Variants in KCNQ5 observed in about 807,000 individuals in gnomAD.
KCNQ5 encodes the protein potassium voltage-gated channel subfamily Q member 5.
Under a neutral mutation model 98.2 loss-of-function variants are expected in KCNQ5, and 30 were observed. The observed-to-expected ratio is 0.31, with a 90% CI of 0.23 to 0.41. KCNQ5 has a LOEUF of 0.41. Ranked by LOEUF, KCNQ5 falls within the 10% of genes least tolerant of loss-of-function variation. KCNQ5 has a pLI of 1.00. For missense variants in KCNQ5, 835 were observed against 1,182.5 expected (o/e 0.71, Z 4.31); for synonymous variants, 458 against 449.4 (o/e 1.02, Z -0.24).
At chr6:72,884,889 A>T (rs1184053284) in intron 1 of KCNQ5, among the ~76,000 whole-genome samples, 1 of 152,170 alleles carries the variant, frequency 6.6e-6, no homozygotes, top group Non-Finnish European at 1.5e-5. Flanking sequence ...AATTGCTGGG[A>T]TTACAGGCGT....
At chr6:72,726,664 A>T (rs1770296498) in intron 1 of KCNQ5, among the ~76,000 whole-genome samples, 1 of 152,214 alleles carries the variant, frequency 6.6e-6, no homozygotes, top group Admixed American at 6.5e-5. Context: ...TGATCAGATG[A>T]TTAAAAAAGA....
At chr6:72,792,055 C>A (rs1191069515) in intron 1 of KCNQ5, among the ~76,000 whole-genome samples, 1 of 152,142 alleles carries the variant, frequency 6.6e-6, no homozygotes, top group African/African-American at 2.4e-5. Flanking sequence ...AAGTAAACTT[C>A]TTTGGATGCC....
At chr6:72,858,063 A>G (rs915708345) in intron 1 of KCNQ5, among the ~76,000 whole-genome samples, 18 of 152,316 alleles carry the variant, frequency 1.2e-4, no homozygotes, top group African/African-American at 4.3e-4. Flanking sequence ...AGGGCTTAAG[A>G]GGTTGCGAGA....
intron 11 of KCNQ5, among the ~76,000 whole-genome samples, chr6:73,170,084 T>C (rs1166015347): frequency 1.3e-5 from 2 of 148,736 alleles, no homozygotes; most frequent in African/African-American, 2.4e-5. Context: ...AGCCAGGTCA[T>C]ATTAGAGAGA....
chr6:73,154,468 T>C (rs924415943), intron 10 of KCNQ5, among the ~76,000 whole-genome samples: 11 of 152,220 alleles, frequency 7.2e-5, no homozygotes, highest in African/African-American at 2.4e-4. Flanking sequence ...TTTCCATTAG[T>C]GTTACATTGT....
intron 2 of KCNQ5, among the ~76,000 whole-genome samples, chr6:73,034,593 G>C (rs1343785952): frequency 6.6e-6 from 1 of 152,098 alleles, no homozygotes; most frequent in Admixed American, 6.5e-5. Flanking sequence ...TTGTGAATTT[G>C]TACCCAAAAA....
At chr6:72,723,910 G>A (rs1770115994) in intron 1 of KCNQ5, among the ~76,000 whole-genome samples, 1 of 152,096 alleles carries the variant, frequency 6.6e-6, no homozygotes, top group Non-Finnish European at 1.5e-5. Context: ...TTTCAAATGA[G>A]AATTCATGAG....
At chr6:72,637,806 C>T (rs1237055713) in intron 1 of KCNQ5, among the ~76,000 whole-genome samples, 2 of 152,148 alleles carry the variant, frequency 1.3e-5, no homozygotes, top group African/African-American at 4.8e-5. Flanking sequence ...AAGATAGGAT[C>T]CTGAACCCAA....
intron 1 of KCNQ5, among the ~76,000 whole-genome samples, chr6:72,671,383 A>T (rs1175130848): frequency 1.3e-5 from 2 of 152,154 alleles, no homozygotes; most frequent in Non-Finnish European, 2.9e-5. Flanking sequence ...AGCCAGAAGG[A>T]TTTCTCATAG....
intron 1 of KCNQ5, among the ~76,000 whole-genome samples, chr6:72,938,689 G>GTA (rs1766071559): frequency 6.6e-6 from 1 of 151,996 alleles, no homozygotes; most frequent in Non-Finnish European, 1.5e-5. Context: ...CCAGCAAATT[G>GTA]TACATTTAAA....
chr6:72,950,467 C>T (rs1403742497), intron 1 of KCNQ5, among the ~76,000 whole-genome samples: 4 of 152,170 alleles, frequency 2.6e-5, no homozygotes, highest in Admixed American at 2.6e-4. Context: ...TGATTATCGC[C>T]AACTTGTTGG....
Position 73,194,713 on chromosome 6 carries a change from C to A in KCNQ5, c.2098C>A (p.Gln700Lys). 1 of 1,614,258 alleles carries A rather than the reference C, an allele frequency of 6.2e-7. No homozygotes were observed. The highest frequency in any genetic ancestry group is 8.5e-7 in the Non-Finnish European group (1 of 1,180,050). The part of the protein sequence containing the change: ...FILTPNEFSA[Q>K]TFYALSPTMH... ...TCTGACGCCAAATGAGTTCAGTGCC[C>A]AGACTTTCTACGCGCTTAGCCCTAC... The change falls in exon 14 of 14, where the codon CAG becomes AAG. Residue 700 changes from glutamine (Q) to lysine (K), a missense_variant. Physicochemically the swap from Gln to Lys is moderately conservative, Grantham distance 53. Around this residue, in one of 10 missense-constraint regions of KCNQ5, gnomAD observed 416 missense variants for 446.9 expected, o/e 0.93. Transcript: ENST00000370398.
chr6:72,657,235 A>G (rs912815028), intron 1 of KCNQ5, among the ~76,000 whole-genome samples: 1 of 152,194 alleles, frequency 6.6e-6, no homozygotes, highest in Non-Finnish European at 1.5e-5. Flanking sequence ...TGGAAATAAA[A>G]TAAGATAGAA....
At chr6:72,718,124 G>A (rs1769744130) in intron 1 of KCNQ5, among the ~76,000 whole-genome samples, 1 of 152,136 alleles carries the variant, frequency 6.6e-6, no homozygotes, top group African/African-American at 2.4e-5. Context: ...TGGGTGAAGA[G>A]TTTACCCTGT....
chr6:72,719,132 A>G (rs1284201225), intron 1 of KCNQ5, among the ~76,000 whole-genome samples: 1 of 152,224 alleles, frequency 6.6e-6, no homozygotes, highest in East Asian at 1.9e-4. Flanking sequence ...TGCAGTCTAA[A>G]TGGAAAAATT....
chr6:73,001,888 G>A (rs1314471718), intron 1 of KCNQ5, among the ~76,000 whole-genome samples: 1 of 152,160 alleles, frequency 6.6e-6, no homozygotes, highest in Admixed American at 6.5e-5. Flanking sequence ...GGGAGGCTGA[G>A]GTGGGAGGAT....
chr6:72,984,881 C>A (rs774423979), intron 1 of KCNQ5, among the ~76,000 whole-genome samples: 3 of 152,056 alleles, frequency 2.0e-5, no homozygotes, highest in Non-Finnish European at 4.4e-5. Context: ...ACAGTAAAAA[C>A]AAGAAATTCG....
intron 1 of KCNQ5, among the ~76,000 whole-genome samples, chr6:73,000,163 T>A (rs1288361238): frequency 6.6e-6 from 1 of 151,940 alleles, no homozygotes; most frequent in Non-Finnish European, 1.5e-5. Flanking sequence ...TCAGAAGCAA[T>A]AGAGTCAGCA....
At chr6:73,083,307 C>T (rs74655312) in intron 5 of KCNQ5, among the ~76,000 whole-genome samples, 9,434 of 152,052 alleles carry the variant, frequency 0.062, 811 homozygotes, top group African/African-American at 0.2. Flanking sequence ...GGATGGTTTA[C>T]GAAAATAGAA....
Sources: allele counts gnomAD v4.1 joint callset (sites outside exome capture counted in the v4.1 genomes callset), GRCh38; gene constraint gnomAD v4.1.1; regional missense constraint gnomAD v4.1.1; transcripts MANE v1.5; gene names NCBI Gene and HGNC (gene_info 2026-07-23, HGNC 2026-07-21).